The following MAOA variants were observed in gnomAD, a reference collection of about 807,000 sequenced individuals.
MAOA encodes monoamine oxidase A, also known as amine oxidase [flavin-containing] A.
In MAOA, 6 loss-of-function variants were observed where a neutral mutation model predicts 42.0. The ratio of observed to expected loss-of-function variants is 0.14; its 90% CI spans 0.08 to 0.28. The LOEUF (loss-of-function observed/expected upper bound fraction) is 0.28, where lower values mean the gene tolerates loss of function less well. Ranked by LOEUF, MAOA falls within the 10% of genes least tolerant of loss-of-function variation. The pLI, the probability that MAOA is intolerant of heterozygous loss-of-function variation, is 1.00. For missense variants in MAOA, 262 were observed against 422.3 expected (o/e 0.62, Z 3.33); for synonymous variants, 140 against 154.0 (o/e 0.91, Z 0.67).
At chrX:43,743,282 A>G (rs1000405150) in intron 12 of MAOA, among the ~76,000 whole-genome samples, 4 of 111,474 alleles carry the variant, frequency 3.6e-5, no homozygotes, top group African/African-American at 1.3e-4. Flanking sequence ...GTTTTCTTAA[A>G]GAGACACACC....
intron 2 of MAOA, among the ~76,000 whole-genome samples, chrX:43,690,950 G>A (rs1601934372): frequency 9.0e-6 from 1 of 111,053 alleles, no homozygotes; most frequent in Non-Finnish European, 1.9e-5. Context: ...GGGTAAAAAG[G>A]GAATAAATCA....
intron 1 of MAOA, among the ~76,000 whole-genome samples, chrX:43,676,543 T>G (rs1351359562): frequency 2.7e-5 from 3 of 111,722 alleles, no homozygotes; most frequent in Non-Finnish European, 5.6e-5. Flanking sequence ...GCATCGCTCA[T>G]GCTGGGAGCT....
Position 43,669,927 on chromosome X carries a change from G to A in MAOA, c.73+13513G>A, listed in dbSNP as rs2033314845. 5.4e-5 allele frequency among the ~76,000 whole-genome samples: 6 copies of A among 111,807 alleles called. No individual in the cohort carries two copies. In the Admixed American group the frequency reaches 5.7e-4, roughly 11 times the overall value. On this transcript the variant is annotated intron_variant, in intron 1 of 14. Transcript: ENST00000338702. ...GCCCTCTGGGAAACACAGATTTAGAGAAATACATGATCAACAATACCAACC... is the reference window on the plus strand; with the variant it reads ...GCCCTCTGGGAAACACAGATTTAGAAAAATACATGATCAACAATACCAACC...
intron 1 of MAOA, among the ~76,000 whole-genome samples, chrX:43,677,222 C>T (rs1000105013): frequency 1.8e-5 from 2 of 111,841 alleles, no homozygotes; most frequent in African/African-American, 6.5e-5. Flanking sequence ...AGCTTCATTG[C>T]ACAAATTAAC....
intron 11 of MAOA, among the ~76,000 whole-genome samples, chrX:43,741,018 A>G (rs2033956963): frequency 9.0e-6 from 1 of 111,342 alleles, no homozygotes; most frequent in East Asian, 2.8e-4. Flanking sequence ...TTATGTCAAG[A>G]ATGGGTGAGT....
chrX:43,674,807 G>A lies in MAOA; in HGVS notation c.74-8706G>A, dbSNP rs755376932. The stretch of plus-strand genomic sequence containing the variant: ...TCTTCTGGCTTGTAGAGTTTCTGCC[G>A]AGAGATCCGCTGTTAGTCTGATGGG... On this transcript the variant is annotated intron_variant, in intron 1 of 14. Transcript: ENST00000338702. Among the ~76,000 whole-genome samples, 645 of 109,120 alleles carry A rather than the reference G, an allele frequency of 5.9e-3. 4 individuals carry two copies. The highest frequency in any genetic ancestry group is 8.3e-3 in the Non-Finnish European group (431 of 52,151). The allele number at this position is 109,120 out of a possible 115,157, so 94.8% of individuals were successfully genotyped here.
chrX:43,738,040 C>A (rs765213637), intron 10 of MAOA, among the ~76,000 whole-genome samples: 1 of 112,086 alleles, frequency 8.9e-6, no homozygotes, highest in African/African-American at 3.2e-5. Flanking sequence ...CAAAATATCC[C>A]AAAAGATGTT....
intron 10 of MAOA, among the ~76,000 whole-genome samples, chrX:43,737,524 C>G (rs1204079398): frequency 1.8e-5 from 2 of 111,641 alleles, no homozygotes; most frequent in African/African-American, 3.3e-5. Context: ...TCATGGTGCC[C>G]TCACATGGCA....
At chrX:43,676,629 A>G (rs752405553) in intron 1 of MAOA, among the ~76,000 whole-genome samples, 1 of 111,887 alleles carries the variant, frequency 8.9e-6, no homozygotes, top group East Asian at 2.8e-4. Flanking sequence ...CTATTCATTC[A>G]TTAATAAATT....
At chrX:43,660,194 G>C (rs2033220932) in intron 1 of MAOA, among the ~76,000 whole-genome samples, 1 of 111,118 alleles carries the variant, frequency 9.0e-6, no homozygotes, top group African/African-American at 3.3e-5. Context: ...CTATTTCTGA[G>C]TTGTTTCACT....
chrX:43,665,135 T>C (rs945500068), intron 1 of MAOA, among the ~76,000 whole-genome samples: 5 of 112,211 alleles, frequency 4.5e-5, no homozygotes, highest in Admixed American at 9.5e-5. Context: ...CTGGGCATTG[T>C]TCACCTAGGA....
At chrX:43,722,805 T>A (rs1328314509) in intron 5 of MAOA, among the ~76,000 whole-genome samples, 1 of 111,907 alleles carries the variant, frequency 8.9e-6, no homozygotes, top group Non-Finnish European at 1.9e-5. Flanking sequence ...TCTTCTAGGG[T>A]TTTTATGGTT....
intron 2 of MAOA, among the ~76,000 whole-genome samples, chrX:43,688,544 A>G (rs1253276694): frequency 8.9e-6 from 1 of 112,113 alleles, no homozygotes; most frequent in Non-Finnish European, 1.9e-5. Flanking sequence ...ATTTTTCGTC[A>G]TCACTGCATT....
chrX:43,668,095 A>C (rs373454059), intron 1 of MAOA, among the ~76,000 whole-genome samples: 4 of 111,961 alleles, frequency 3.6e-5, no homozygotes, highest in South Asian at 3.7e-4. Context: ...AGGTTGAATC[A>C]CTTTACTTTG....
intron 3 of MAOA, among the ~76,000 whole-genome samples, chrX:43,705,038 G>A (rs2033649405): frequency 8.9e-6 from 1 of 111,913 alleles, no homozygotes; most frequent in Non-Finnish European, 1.9e-5. Context: ...ATTGAACTAC[G>A]TTTTTAACAC....
At chrX:43,727,739 A>G (rs2033850744) in intron 5 of MAOA, among the ~76,000 whole-genome samples, 1 of 112,211 alleles carries the variant, frequency 8.9e-6, no homozygotes, top group Non-Finnish European at 1.9e-5. Context: ...TCCCTTGGCT[A>G]GGAAAAGGAA....
At chrX:43,688,373 T>G (rs889923858) in intron 2 of MAOA, among the ~76,000 whole-genome samples, 3 of 111,838 alleles carry the variant, frequency 2.7e-5, no homozygotes, top group Non-Finnish European at 5.6e-5. Flanking sequence ...CACTGTCTCC[T>G]GGGTTCCAGC....
intron 3 of MAOA, among the ~76,000 whole-genome samples, chrX:43,705,550 G>A (rs1345888923): frequency 8.9e-6 from 1 of 111,747 alleles, no homozygotes; most frequent in Admixed American, 9.5e-5. Context: ...GAGTTAGGCA[G>A]TGATTTATTT....
chrX:43,743,950 C>T (rs370052597), intron 13 of MAOA, 45 bp downstream of exon 13: 15 of 1,168,070 alleles, frequency 1.3e-5, no homozygotes, highest in African/African-American at 1.1e-4. Context: ...GTCACGGCAA[C>T]GTTTTTGGCA....
Sources: gnomAD v4.1 joint callset for allele counts (sites outside exome capture counted in the v4.1 genomes callset) on GRCh38, gnomAD v4.1.1 for gene constraint, MANE v1.5 for transcripts, NCBI Gene and HGNC (gene_info 2026-07-23, HGNC 2026-07-21) for gene names.